DAAM1: variants seen among roughly 807,000 people sequenced by gnomAD.
The protein encoded by DAAM1 is disheveled-associated activator of morphogenesis 1.
A neutral mutation model predicts 130.0 loss-of-function variants in DAAM1; 52 were observed. The ratio of observed to expected loss-of-function variants is 0.40; its 90% CI spans 0.32 to 0.50. DAAM1 has a LOEUF of 0.50. Ranked by LOEUF, DAAM1 falls within the 20% of genes least tolerant of loss-of-function variation. The pLI is 0.61. For synonymous variants in DAAM1, 452 were observed against 444.5 expected, an observed-to-expected ratio of 1.02 and a Z score of -0.21; for missense variants, 1,134 against 1,303.8, an observed-to-expected ratio of 0.87 and a Z score of 2.01.
chr14:59,278,653 A>G (rs998639079), intron 2 of DAAM1, among the ~76,000 whole-genome samples: 5 of 152,196 alleles, frequency 3.3e-5, no homozygotes, highest in Admixed American at 3.3e-4. Context: ...TCTTGTTAAT[A>G]TTAACATATC....
chr14:59,301,717 A>G lies in DAAM1; in HGVS notation c.273+10411A>G, dbSNP rs926890286. ...GCAACTTTATCTCGAGCATTTCTTTATAAAGATTTTGAGACTCTCTCCTCT... is the reference window on the plus strand; with the variant it reads ...GCAACTTTATCTCGAGCATTTCTTTGTAAAGATTTTGAGACTCTCTCCTCT... On this transcript the variant is annotated intron_variant, in intron 3 of 24. Transcript: ENST00000360909. Among the ~76,000 whole-genome samples the G allele has an allele frequency of 1.4e-4, 21 of 152,270 alleles. No individual in the cohort carries two copies. In the East Asian group the frequency reaches 4.1e-3, roughly 30 times the overall value.
At chr14:59,331,987 C>T in intron 15 of DAAM1, 67 bp downstream of exon 15, 2 of 1,360,156 alleles carry the variant, frequency 1.5e-6, no homozygotes, top group Non-Finnish European at 2.1e-6. Context: ...GATCTCTGGC[C>T]CATCAGCCAT....
At chr14:59,232,760 C>A (rs1343695636) in intron 1 of DAAM1, among the ~76,000 whole-genome samples, 14 of 151,802 alleles carry the variant, frequency 9.2e-5, no homozygotes, top group Non-Finnish European at 1.5e-4. Context: ...GTCCTGCATG[C>A]ACTAGTGTTT....
chr14:59,354,001 T>A, intron 19 of DAAM1, 37 bp downstream of exon 19: 1 of 1,591,124 alleles, frequency 6.3e-7, no homozygotes, highest in Non-Finnish European at 8.6e-7. Flanking sequence ...ATGATGTTCA[T>A]CATTACAACC....
At chr14:59,342,234 G>A (rs540541927) in intron 16 of DAAM1, among the ~76,000 whole-genome samples, 2 of 152,292 alleles carry the variant, frequency 1.3e-5, no homozygotes, top group African/African-American at 4.8e-5. Context: ...TTAAAAGTGT[G>A]TGTGACAAAG....
chr14:59,367,553 GAAAGAA>G lies in DAAM1; in HGVS notation c.2956_2961del (p.Lys986_Lys987del). The G allele has an allele frequency of 3.1e-6, 5 of 1,613,776 alleles. No homozygotes were observed. The highest frequency in any genetic ancestry group is 4.2e-6 in the Non-Finnish European group (5 of 1,179,842). On this transcript the variant is annotated inframe_deletion, in exon 24 of 25. Coordinates refer to ENST00000360909, the MANE Select transcript of DAAM1 (RefSeq NM_001270520.2). ...GCCAAACAAGAAAACGAAAATATGA[GAAAGAA>G]AAAGGAGGAAGAAGAACGTCGAGCT... is the stretch of plus-strand genomic sequence containing the variant.
At chr14:59,284,676 T>C (rs1178398621) in intron 2 of DAAM1, among the ~76,000 whole-genome samples, 2 of 132,184 alleles carry the variant, frequency 1.5e-5, no homozygotes, top group Admixed American at 1.6e-4. Flanking sequence ...CAAAATACAA[T>C]TGGAAGCATT....
rs190699539 is a variant in DAAM1, at chr14:59,255,323, A to T, written c.-37-8118A>T. 2.2e-4 allele frequency among the ~76,000 whole-genome samples: 34 copies of T among 152,146 alleles called. No individual in the cohort carries two copies. In the East Asian group the frequency reaches 4.8e-3, roughly 22 times the overall value. On this transcript the variant is annotated intron_variant, in intron 1 of 24. Transcript: ENST00000360909. The stretch of plus-strand genomic sequence containing the variant: ...GTTTCCTGATGGAGAGGATGTTGAA[A>T]CCTGCGGGGAACACACAATTCCCTT...
At chr14:59,349,572 G>A (rs1432464372) in intron 17 of DAAM1, among the ~76,000 whole-genome samples, 1 of 152,202 alleles carries the variant, frequency 6.6e-6, no homozygotes, top group East Asian at 1.9e-4. Context: ...TCCCAGACAA[G>A]TGTTGATGCC....
At chr14:59,193,834 C>G (rs77618329) in intron 1 of DAAM1, among the ~76,000 whole-genome samples, 3 of 152,130 alleles carry the variant, frequency 2.0e-5, no homozygotes, top group Admixed American at 1.3e-4. Flanking sequence ...ACAGCTTCCA[C>G]GAAGCCTTCC....
chr14:59,305,413 G>T (rs1454382235), intron 3 of DAAM1, among the ~76,000 whole-genome samples: 1 of 152,172 alleles, frequency 6.6e-6, no homozygotes, highest in African/African-American at 2.4e-5. Flanking sequence ...TGTTGGAGTT[G>T]TACTGCTTGA....
chr14:59,325,799 G>C, intron 9 of DAAM1, 69 bp downstream of exon 9: 1 of 1,582,596 alleles, frequency 6.3e-7, no homozygotes, highest in Admixed American at 1.7e-5. Context: ...AATGTGTGTT[G>C]TAGAGTCCAC....
At chr14:59,232,029 T>C (rs1889125542) in intron 1 of DAAM1, among the ~76,000 whole-genome samples, 2 of 152,192 alleles carry the variant, frequency 1.3e-5, no homozygotes, top group South Asian at 4.1e-4. Flanking sequence ...TACTATTTTA[T>C]CCCCACTTTA....
intron 2 of DAAM1, among the ~76,000 whole-genome samples, chr14:59,268,454 A>C (rs1235429426): frequency 1.3e-5 from 2 of 152,152 alleles, no homozygotes; most frequent in East Asian, 3.9e-4. Context: ...TTACATCTCC[A>C]CCAGCAATGT....
At chr14:59,239,538 T>G (rs1889413187) in intron 1 of DAAM1, among the ~76,000 whole-genome samples, 1 of 152,188 alleles carries the variant, frequency 6.6e-6, no homozygotes, top group African/African-American at 2.4e-5. Context: ...CTTGATTCTT[T>G]TACCTGTGCC....
intron 1 of DAAM1, among the ~76,000 whole-genome samples, chr14:59,227,507 G>A (rs17255423): frequency 2.6e-5 from 4 of 152,110 alleles, no homozygotes; most frequent in African/African-American, 7.2e-5. Context: ...AGTTTAATTT[G>A]TTCCAACACC....
intron 1 of DAAM1, 35 bp from the exon 2 acceptor site, chr14:59,263,406 T>A: frequency 1.9e-6 from 3 of 1,576,798 alleles, no homozygotes; most frequent in Non-Finnish European, 2.6e-6. Context: ...TATCTGTTCC[T>A]GTACTCTTAA....
intron 1 of DAAM1, among the ~76,000 whole-genome samples, chr14:59,246,782 A>T (rs1418481194): frequency 6.6e-6 from 1 of 152,098 alleles, no homozygotes; most frequent in Non-Finnish European, 1.5e-5. Context: ...TGTGGTTTTG[A>T]CTTGCGTTGC....
chr14:59,223,711 A>C (rs1473300657), intron 1 of DAAM1, among the ~76,000 whole-genome samples: 1 of 152,214 alleles, frequency 6.6e-6, no homozygotes, highest in African/African-American at 2.4e-5. Context: ...GTTGCCTCCA[A>C]AATCCAGATG....
Sources: allele counts gnomAD v4.1 joint callset (sites outside exome capture counted in the v4.1 genomes callset), GRCh38; gene constraint gnomAD v4.1.1; transcripts MANE v1.5; gene names NCBI Gene and HGNC (gene_info 2026-07-23, HGNC 2026-07-21).